Variants in ATPAF1 observed in about 807,000 individuals in gnomAD.
ATPAF1 encodes the protein ATP synthase mitochondrial F1 complex assembly factor 1, also known as homolog of yeast ATP11.
A neutral mutation model predicts 43.9 loss-of-function variants in ATPAF1; 26 were observed. That is an observed-to-expected ratio of 0.59 (90% CI 0.43 to 0.82). The LOEUF is 0.82. ATPAF1 is among the 40% of genes least tolerant of loss of function. ATPAF1 has a pLI of 0.00. For synonymous variants in ATPAF1, 157 were observed against 168.0 expected, an observed-to-expected ratio of 0.93 and a Z score of 0.50; for missense variants, 366 against 435.0, an observed-to-expected ratio of 0.84 and a Z score of 1.41.
intron 2 of ATPAF1, among the ~76,000 whole-genome samples, chr1:46,660,833 G>A (rs1021243955): frequency 6.6e-5 from 10 of 152,128 alleles, no homozygotes; most frequent in Admixed American, 2.0e-4. Flanking sequence ...AAATGGGTGA[G>A]TTCTACATAA....
At chr1:46,643,145 C>G (rs1329245033) in intron 8 of ATPAF1, 49 bp downstream of exon 8, 2 of 1,452,586 alleles carry the variant, frequency 1.4e-6, no homozygotes, top group Admixed American at 3.4e-5. Context: ...AGAGTAATAC[C>G]TTCAGTGCCA....
downstream of ATPAF1, chr1:46,634,656 AGCTGACAACAATACTG>A (rs1463388493): frequency 6.6e-6 from 1 of 152,368 alleles, no homozygotes; most frequent in Non-Finnish European, 1.5e-5. Context: ...TGGTAAAGGC[AGCTGACAACAATACTG>A]GGGGCCTTGG....
intron 6 of ATPAF1, among the ~76,000 whole-genome samples, chr1:46,646,625 A>G (rs1352209067): frequency 3.9e-5 from 6 of 152,230 alleles, no homozygotes; most frequent in East Asian, 1.9e-4. Flanking sequence ...TATTATTATT[A>G]GATGAGATAA....
rs1054169528 is a variant in ATPAF1, at chr1:46,645,090, C to T, written c.684+71G>A. On this transcript the variant is annotated intron_variant, in intron 7 of 8. Coordinates refer to ENST00000574428, the Ensembl canonical transcript of ATPAF1. ...AAGCAGCTATTCTGTGTCCTTGAGC[C>T]TCAGCAAGGGTTTCTAGTCCTACCA... The T allele has an allele frequency of 7.4e-5, 83 of 1,117,012 alleles. 1 individual carries two copies. The highest frequency in any genetic ancestry group is 1.0e-4 in the Non-Finnish European group (82 of 786,152). 69.2% of individuals were successfully genotyped at this position (1,117,012 alleles called of 1,614,324 possible).
rs889061966 is a variant in ATPAF1 at position 46,653,874 on chromosome 1, A to G, written c.490-7T>C. On this transcript the variant is annotated splice_polypyrimidine_tract_variant and splice_region_variant and intron_variant, in intron 4 of 8. Transcript: ENST00000574428. This position sits in a 1 kb window ranked among gnomAD's most constrained non-coding sequence, Gnocchi z 4.8. ...CAAAATATTGCTGCCAAATCTGTACAAAAAAGAGAGGGGTGTCTGTGACAT... is the reference window on the plus strand; with the variant it reads ...CAAAATATTGCTGCCAAATCTGTACGAAAAAGAGAGGGGTGTCTGTGACAT... 3.7e-6 allele frequency: 6 copies of G among 1,610,096 alleles called. No homozygotes were observed. In the East Asian group the frequency reaches 6.7e-5, roughly 18 times the overall value.
chr1:46,636,225 A>G, intron 8 of ATPAF1: 1 of 539,834 alleles, frequency 1.9e-6, no homozygotes, highest in Non-Finnish European at 3.3e-6. Context: ...TCCCTAGTAC[A>G]AATTCCTCAA....
chr1:46,649,620 C>A (rs554980020), intron 6 of ATPAF1, among the ~76,000 whole-genome samples: 1 of 152,240 alleles, frequency 6.6e-6, no homozygotes, highest in Non-Finnish European at 1.5e-5. Context: ...TAGGAGAGAA[C>A]TGATACCTTA....
At chr1:46,649,380 A>G (rs2476154) in intron 6 of ATPAF1, among the ~76,000 whole-genome samples, 12,010 of 152,166 alleles carry the variant, frequency 0.079, 1,209 homozygotes, top group East Asian at 0.39. Context: ...ACTCTGTTCC[A>G]TTAATCTACA....
At chr1:46,652,715 T>C in intron 5 of ATPAF1, 87 bp from the exon 6 acceptor site, 1 of 1,130,482 alleles carries the variant, frequency 8.8e-7, no homozygotes, top group Non-Finnish European at 1.3e-6. Context: ...GACTGAATTC[T>C]AGAATTATAA....
intron 4 of ATPAF1, among the ~76,000 whole-genome samples, chr1:46,655,425 T>C (rs1243324564): frequency 6.6e-6 from 1 of 152,052 alleles, no homozygotes; most frequent in Non-Finnish European, 1.5e-5. Context: ...ACCTTCATGA[T>C]GCAAATACCA....
At chr1:46,667,966 T>C (rs1418292895) in intron 1 of ATPAF1, 91 bp downstream of exon 1, 1 of 1,046,464 alleles carries the variant, frequency 9.6e-7, no homozygotes, top group Non-Finnish European at 1.2e-6. Flanking sequence ...ACAGTACTAG[T>C]GCCCACCTCA....
intron 2 of ATPAF1, 173 bp downstream of exon 2, chr1:46,665,083 A>G: frequency 1.6e-6 from 1 of 631,782 alleles, no homozygotes; most frequent in Non-Finnish European, 2.8e-6. Flanking sequence ...TGACCACAGT[A>G]CTTTGCCTAG....
intron 6 of ATPAF1, among the ~76,000 whole-genome samples, chr1:46,648,732 C>A (rs1676104339): frequency 6.6e-6 from 1 of 152,014 alleles, no homozygotes; most frequent in African/African-American, 2.4e-5. Context: ...AATCTTAGCA[C>A]TTTGGGAGGC....
intron 4 of ATPAF1, among the ~76,000 whole-genome samples, chr1:46,655,892 G>A (rs1676262681): frequency 6.6e-6 from 1 of 152,076 alleles, no homozygotes; most frequent in Non-Finnish European, 1.5e-5. Flanking sequence ...CTCTTAAGAT[G>A]CCTAGGATAT....
At chr1:46,641,522 T>C (rs1675950191) in intron 8 of ATPAF1, among the ~76,000 whole-genome samples, 1 of 152,214 alleles carries the variant, frequency 6.6e-6, no homozygotes, top group African/African-American at 2.4e-5. Flanking sequence ...AAAGAGTTTC[T>C]ATGCTGATTC....
At chr1:46,662,713 C>A (rs1406589605) in intron 2 of ATPAF1, among the ~76,000 whole-genome samples, 1 of 152,244 alleles carries the variant, frequency 6.6e-6, no homozygotes, top group Non-Finnish European at 1.5e-5. Flanking sequence ...AGGCGTGAGC[C>A]ACTGCGCCTG....
Position 46,658,330 on chromosome 1 carries a change from A to T in ATPAF1, c.427-141T>A, listed in dbSNP as rs1676315834. 1.2e-5 allele frequency: 9 copies of T among 727,818 alleles called. No individual in the cohort carries two copies. In the South Asian group the frequency reaches 1.7e-4, roughly 14 times the overall value. 45.1% of individuals were successfully genotyped at this position (727,818 alleles called of 1,614,324 possible). ...GTAGAAAACAAGTATAAGAAAACCC[A>T]CATGCTCAGAGAAAGTGAGCCCCCA... On this transcript the variant is annotated intron_variant, in intron 3 of 8. Coordinates refer to ENST00000574428, the Ensembl canonical transcript of ATPAF1.
chr1:46,662,039 C>T (rs1039069445), intron 2 of ATPAF1, among the ~76,000 whole-genome samples: 22 of 152,002 alleles, frequency 1.4e-4, no homozygotes, highest in South Asian at 2.1e-4. Flanking sequence ...GGACTACAGG[C>T]GCCTGCCACA....
intron 2 of ATPAF1, chr1:46,663,757 A>C (rs1239302480): frequency 2.3e-6 from 2 of 882,712 alleles, no homozygotes; most frequent in Admixed American, 5.1e-5. Flanking sequence ...CAAAAAAAGT[A>C]TTTTCCAAGT....
Sources: allele counts gnomAD v4.1 joint callset (sites outside exome capture counted in the v4.1 genomes callset), GRCh38; gene constraint gnomAD v4.1.1; non-coding constraint Gnocchi (gnomAD v3.1); transcripts MANE v1.5; gene names NCBI Gene and HGNC (gene_info 2026-07-23, HGNC 2026-07-21).